Variants in PDE2A observed in about 807,000 individuals in gnomAD.
The protein encoded by PDE2A is phosphodiesterase 2A, also known as cGMP-dependent 3',5'-cyclic phosphodiesterase.
In PDE2A, 53 loss-of-function variants were observed where a neutral mutation model predicts 133.6. The ratio of observed to expected loss-of-function variants is 0.40; its 90% CI spans 0.32 to 0.50. PDE2A has a LOEUF of 0.50. Ranked by LOEUF, PDE2A falls within the 20% of genes least tolerant of loss-of-function variation. The probability of loss-of-function intolerance (pLI) is 0.73; values close to 1 mark genes in which losing one functional copy is unlikely to be tolerated. For missense variants in PDE2A, 796 were observed against 1,232.4 expected (o/e 0.65, Z 5.30); for synonymous variants, 491 against 490.2 (o/e 1.00, Z -0.02).
chr11:72,583,296 G>A (rs1855804520), intron 20 of PDE2A, 142 bp downstream of exon 20: 3 of 633,386 alleles, frequency 4.7e-6, no homozygotes, highest in Admixed American at 2.7e-5. Flanking sequence ...AGGGGTGGGA[G>A]CTGCCCCTAA....
rs186092662 is a variant in PDE2A, at chr11:72,596,480, T to C, written c.489+113A>G. The C allele has an allele frequency of 1.9e-4, 45 of 238,168 alleles. 1 individual carries two copies. Among genetic ancestry groups the C allele is most frequent in the Non-Finnish European group, 7.5e-5 (11 of 146,196 alleles). 14.8% of individuals were successfully genotyped at this position (238,168 alleles called of 1,614,324 possible). On this transcript the variant is annotated intron_variant, in intron 6 of 30. Coordinates refer to ENST00000334456, the MANE Select transcript of PDE2A (RefSeq NM_002599.5). ...CCATCTCTCTCTCTCTCTCTCTCTC[T>C]CTCTCACACACACACACACACACAC... is the stretch of plus-strand genomic sequence containing the variant.
chr11:72,585,258 T>A lies in PDE2A; in HGVS notation c.1286+113A>T, dbSNP rs1208104038. On this transcript the variant is annotated intron_variant, in intron 16 of 30. Coordinates refer to ENST00000334456, the MANE Select transcript of PDE2A (RefSeq NM_002599.5). ...ATGAAATAAAGGATCCCTCAAAAGG[T>A]GATGAAGTCCCGCAGAAGGCAGAGA... 3 of 869,432 alleles carry A rather than the reference T, an allele frequency of 3.5e-6. No homozygotes were observed. The African/African-American group carries it at 5.0e-5, about 15-fold the overall frequency. 53.9% of individuals were successfully genotyped at this position (869,432 alleles called of 1,614,324 possible).
At chr11:72,618,582 C>T (rs1222225998) in intron 2 of PDE2A, among the ~76,000 whole-genome samples, 1 of 152,232 alleles carries the variant, frequency 6.6e-6, no homozygotes, top group Non-Finnish European at 1.5e-5. Flanking sequence ...GAACCCAGAC[C>T]TTCTTTGCCC....
At chr11:72,661,444 C>G (rs1855059521) in intron 1 of PDE2A, among the ~76,000 whole-genome samples, 1 of 152,164 alleles carries the variant, frequency 6.6e-6, no homozygotes, top group Non-Finnish European at 1.5e-5. Flanking sequence ...TAATCACCCA[C>G]TCACACCCAC....
In PDE2A at chr11:72,580,883, T is replaced by C. The variant is rs577536; in HGVS notation, c.2133+3A>G. The C allele has an allele frequency of 1, 1,580,818 of 1,586,854 alleles. 787,565 individuals carry two copies. Among genetic ancestry groups the C allele is most frequent in the East Asian group, 1 (44,745 of 44,746 alleles). On this transcript the variant is annotated splice_donor_region_variant and intron_variant, in intron 24 of 30. Transcript: ENST00000334456. Reference sequence around the variant, plus strand: ...CCCCACTGTGAGCAGGGCAGGGTCTTACCGAGGCCACCTGGAAAGAGTTGT... The same window carrying C: ...CCCCACTGTGAGCAGGGCAGGGTCTCACCGAGGCCACCTGGAAAGAGTTGT...
At chr11:72,582,720 C>A (rs571114466) in intron 20 of PDE2A, among the ~76,000 whole-genome samples, 154 bp from the exon 21 acceptor site, 3 of 152,236 alleles carry the variant, frequency 2.0e-5, no homozygotes, top group Admixed American at 1.3e-4. Context: ...GAAATCACCA[C>A]CCTCCCCTCA....
chr11:72,581,077 G>A, intron 23 of PDE2A, 104 bp from the exon 24 acceptor site: 1 of 862,442 alleles, frequency 1.2e-6, no homozygotes, highest in Non-Finnish European at 1.9e-6. Context: ...GAGCCACTGG[G>A]ACAGGAGGTT....
chr11:72,598,853 C>T (rs1856604737), intron 4 of PDE2A: 3 of 985,278 alleles, frequency 3.0e-6, no homozygotes, highest in African/African-American at 3.5e-5. Flanking sequence ...CCGGTGGTGT[C>T]TCCCACCTTC....
At position 72,590,506 on chromosome 11, in the gene PDE2A, G is replaced by C; in HGVS notation, c.624C>G (p.Asn208Lys). 2 of 1,491,354 alleles carry C rather than the reference G, an allele frequency of 1.3e-6. No homozygotes were observed. Among genetic ancestry groups the C allele is most frequent in the Middle Eastern group, 1.8e-4 (1 of 5,602 alleles). The allele number at this position is 1,491,354 out of a possible 1,614,324, so 92.4% of individuals were successfully genotyped here. ...GPREAPRAVQNPPEGTAEDQK... is the reference protein window; with the variant it reads ...GPREAPRAVQKPPEGTAEDQK... ...GGTCTTCCGCCGTCCCCTCCGGGGG[G>C]TTCTGGACGGCTCGGGGAGCCTCCC... The change falls in exon 8 of 31, where the codon AAC (asparagine) becomes AAG (lysine). Residue 208 changes from asparagine (N) to lysine (K), a missense_variant. Physicochemically the swap from Asn to Lys is moderately conservative, Grantham distance 94. Transcript: ENST00000334456. This position sits in a 1 kb window ranked among gnomAD's most constrained non-coding sequence, Gnocchi z 4.8.
chr11:72,583,218 T>C (rs1002051156), intron 20 of PDE2A, among the ~76,000 whole-genome samples: 3 of 152,228 alleles, frequency 2.0e-5, no homozygotes, highest in Admixed American at 6.5e-5. Flanking sequence ...CTCCCTGGGC[T>C]GGTTCCTCTG....
chr11:72,641,342 G>A (rs1858942758), intron 2 of PDE2A, among the ~76,000 whole-genome samples: 2 of 152,170 alleles, frequency 1.3e-5, no homozygotes, highest in African/African-American at 4.8e-5. Flanking sequence ...GGGGGCGGGG[G>A]TGTCCCAGGG....
At chr11:72,618,197 G>T (rs1591079585) in intron 2 of PDE2A, among the ~76,000 whole-genome samples, 1 of 152,190 alleles carries the variant, frequency 6.6e-6, no homozygotes. Flanking sequence ...TGAGGGTGAG[G>T]AGCTGCTCGC....
Position 72,584,582 on chromosome 11 carries a change from G to A in PDE2A, c.1506C>T (p.Ile502=). The change falls in exon 18 of 31, where the codon ATC becomes ATT. Residue 502 remains isoleucine (I), a synonymous_variant. Coordinates refer to ENST00000334456, the MANE Select transcript of PDE2A (RefSeq NM_002599.5). The part of the protein sequence containing the change: ...DDSTGFRTRN[I]LCFPIKNENQ... Reference sequence around the variant, plus strand: ...TCTCGTTCTTGATGGGGAAGCAGAGGATGTTGCGCGTGCGGAAGCCGGTGC... The same window carrying A: ...TCTCGTTCTTGATGGGGAAGCAGAGAATGTTGCGCGTGCGGAAGCCGGTGC... The A allele has an allele frequency of 6.2e-7, 1 of 1,612,290 alleles. No individual in the cohort carries two copies. The highest frequency in any genetic ancestry group is 1.1e-5 in the South Asian group (1 of 91,034).
intron 2 of PDE2A, among the ~76,000 whole-genome samples, chr11:72,628,609 G>A (rs115867467): frequency 0.014 from 2,149 of 152,312 alleles, 66 homozygotes; most frequent in African/African-American, 0.05. Flanking sequence ...GATTACAAGC[G>A]TGAGCCACCG....
chr11:72,589,242 TA>T lies in PDE2A; in HGVS notation c.874-3del, dbSNP rs1473490881. On this transcript the variant is annotated splice_polypyrimidine_tract_variant and splice_region_variant and intron_variant, in intron 11 of 30. Coordinates refer to ENST00000334456, the MANE Select transcript of PDE2A (RefSeq NM_002599.5). ...CACCTGGCCCAGGCATCCTGTCAAC[TA>T]GGGGGTGAGGAGAGACTGAGTCAGG... 1.2e-6 allele frequency: 2 copies of T among 1,612,348 alleles called. No homozygotes were observed. The highest frequency in any genetic ancestry group is 2.2e-5 in the South Asian group (2 of 90,848).
chr11:72,577,726 A>G, intron 30 of PDE2A, 132 bp from the exon 31 acceptor site: 2 of 669,544 alleles, frequency 3.0e-6, no homozygotes, highest in Non-Finnish European at 5.3e-6. Flanking sequence ...TAATCCCAAC[A>G]CTCAGAGATG....
intron 14 of PDE2A, among the ~76,000 whole-genome samples, 161 bp downstream of exon 14, chr11:72,585,909 T>A (rs1007561731): frequency 6.6e-6 from 1 of 152,078 alleles, no homozygotes; most frequent in Non-Finnish European, 1.5e-5. Flanking sequence ...GTGGCGCGGG[T>A]CCTGAACAAC....
At chr11:72,629,963 A>G (rs1451811043) in intron 2 of PDE2A, among the ~76,000 whole-genome samples, 1 of 151,700 alleles carries the variant, frequency 6.6e-6, no homozygotes, top group Non-Finnish European at 1.5e-5. Flanking sequence ...GCCTGGGCAG[A>G]CTCTGTTCTG....
At position 72,589,204 on chromosome 11, in the gene PDE2A, T is replaced by C. The variant is rs1446639527; in HGVS notation, c.910A>G (p.Lys304Glu). ...GCLGQVVEDK[K>E]SIQLKDLTSE... The stretch of plus-strand genomic sequence containing the variant: ...GTGAGGTCCTTCAGCTGGATGGACT[T>C]CTTGTCTTCCACCACCTGGCCCAGG... Residue 304 changes from lysine to glutamate, a missense_variant, in exon 12 of 31, where the codon AAG becomes GAG. Physicochemically the swap from Lys to Glu is moderately conservative, Grantham distance 56. This residue lies in a region of PDE2A where 417 missense variants were observed against 475.3 expected (regional missense o/e 0.88). Transcript: ENST00000334456. 3 of 1,613,782 alleles carry C rather than the reference T, an allele frequency of 1.9e-6. No individual in the cohort carries two copies. The highest frequency in any genetic ancestry group is 2.5e-6 in the Non-Finnish European group (3 of 1,179,936).
Sources: gnomAD v4.1 joint callset for allele counts (sites outside exome capture counted in the v4.1 genomes callset) on GRCh38, gnomAD v4.1.1 for gene constraint, gnomAD v4.1.1 regional missense constraint, Gnocchi (gnomAD v3.1) non-coding constraint, MANE v1.5 for transcripts, NCBI Gene and HGNC (gene_info 2026-07-23, HGNC 2026-07-21) for gene names.